The following REEP3 variants were observed in gnomAD, a reference collection of about 807,000 sequenced individuals.
The protein encoded by REEP3 is receptor expression-enhancing protein 3.
A neutral mutation model predicts 41.3 loss-of-function variants in REEP3; 20 were observed. The ratio of observed to expected loss-of-function variants is 0.48; its 90% CI spans 0.34 to 0.70. The LOEUF (loss-of-function observed/expected upper bound fraction) is 0.70, where lower values mean the gene tolerates loss of function less well. REEP3 is among the 30% of genes least tolerant of loss of function. The probability of loss-of-function intolerance (pLI) is 0.01; values close to 1 mark genes in which losing one functional copy is unlikely to be tolerated. For missense variants in REEP3, 271 were observed against 308.8 expected (o/e 0.88, Z 0.92); for synonymous variants, 104 against 101.8 (o/e 1.02, Z -0.13).
Position 63,624,008 on chromosome 10 carries a change from C to G in REEP3, c.*3139C>G, listed in dbSNP as rs1376949963. The G allele has an allele frequency of 6.6e-6, 1 of 151,902 alleles. No homozygotes were observed. Among genetic ancestry groups the G allele is most frequent in the Non-Finnish European group, 1.5e-5 (1 of 68,064 alleles). 9.4% of individuals were successfully genotyped at this position (151,902 alleles called of 1,614,324 possible). ...TTTTCCTTTTTTAGAATAACACAGT[C>G]TGTGCTTTCCAAAAATGCTTGAACT... On this transcript the variant is annotated 3_prime_UTR_variant, in exon 8 of 8. Coordinates refer to ENST00000373758, the MANE Select transcript of REEP3 (RefSeq NM_001001330.3).
intron 1 of REEP3, among the ~76,000 whole-genome samples, chr10:63,529,376 G>T (rs1278258023): frequency 6.6e-6 from 1 of 152,206 alleles, no homozygotes; most frequent in African/African-American, 2.4e-5. Flanking sequence ...AGATAGGGAA[G>T]TAGGATTGGA....
chr10:63,557,187 A>G (rs1176109528), intron 1 of REEP3, among the ~76,000 whole-genome samples: 5 of 152,202 alleles, frequency 3.3e-5, no homozygotes, highest in Non-Finnish European at 1.5e-5. Context: ...TACTGCCTAC[A>G]ATAGCCTAGT....
Position 63,521,544 on chromosome 10 carries a change from A to C in REEP3, c.-2A>C. ...GGACGTGGGGCCCAAGCCCCCGTGA[A>C]GATGGTGTCCTGGATGATCTCCAGA... On this transcript the variant is annotated 5_prime_UTR_variant, in exon 1 of 8. Transcript: ENST00000373758. The C allele has an allele frequency of 7.0e-7, 1 of 1,434,494 alleles. No individual in the cohort carries two copies. The allele number at this position is 1,434,494 out of a possible 1,614,324, so 88.9% of individuals were successfully genotyped here. A position where few individuals can be genotyped will look rare whatever the true frequency, so the allele number is the denominator to read the frequency against.
rs1956380114 is a variant in REEP3, at chr10:63,624,369, ACT to A, written c.*3503_*3504del. ...GTATGCTACAGATTTAATTATATTA[ACT>A]CTTTTTTAAGACATTGACCATGACT... On this transcript the variant is annotated 3_prime_UTR_variant, in exon 8 of 8. Coordinates refer to ENST00000373758, the MANE Select transcript of REEP3 (RefSeq NM_001001330.3). 1 of 151,896 alleles carries A rather than the reference ACT, an allele frequency of 6.6e-6. No homozygotes were observed. The highest frequency in any genetic ancestry group is 2.1e-4 in the South Asian group (1 of 4,814). The allele number at this position is 151,896 out of a possible 1,614,324, so 9.4% of individuals were successfully genotyped here.
In REEP3 at chr10:63,621,944, C is replaced by T. The variant is rs1183784004; in HGVS notation, c.*1075C>T. The T allele has an allele frequency of 6.6e-6, 1 of 152,178 alleles. No individual in the cohort carries two copies. Among genetic ancestry groups the T allele is most frequent in the African/African-American group, 2.4e-5 (1 of 41,436 alleles). 9.4% of individuals were successfully genotyped at this position (152,178 alleles called of 1,614,324 possible). ...ATCTCTTCTGGCTGAGATAATTTGCCAATGCAAAATACAGTTGTCATTAAT... is the reference window on the plus strand; with the variant it reads ...ATCTCTTCTGGCTGAGATAATTTGCTAATGCAAAATACAGTTGTCATTAAT... On this transcript the variant is annotated 3_prime_UTR_variant, in exon 8 of 8. Coordinates refer to ENST00000373758, the MANE Select transcript of REEP3 (RefSeq NM_001001330.3).
chr10:63,528,127 T>C (rs900507017), intron 1 of REEP3, among the ~76,000 whole-genome samples: 5 of 152,220 alleles, frequency 3.3e-5, no homozygotes, highest in African/African-American at 9.6e-5. Flanking sequence ...CCCATTAATT[T>C]ACATCTCCAA....
intron 2 of REEP3, among the ~76,000 whole-genome samples, chr10:63,589,809 TTTG>T (rs1289778886): frequency 3.8e-5 from 5 of 132,018 alleles, no homozygotes; most frequent in Non-Finnish European, 6.5e-5. Flanking sequence ...TTTTTTTTTT[TTTG>T]GAAACGGAGT....
chr10:63,619,377 C>G (rs1431120681), intron 6 of REEP3, among the ~76,000 whole-genome samples: 1 of 151,890 alleles, frequency 6.6e-6, no homozygotes, highest in Non-Finnish European at 1.5e-5. Context: ...TGGTGTGTTA[C>G]CTACTCAAAA....
chr10:63,541,637 G>T (rs1336571315), intron 1 of REEP3, among the ~76,000 whole-genome samples: 1 of 149,912 alleles, frequency 6.7e-6, no homozygotes, highest in Non-Finnish European at 1.5e-5. Context: ...ATCCAGAGAA[G>T]TTTTTTTTTT....
Position 63,624,897 on chromosome 10 carries a change from G to T in REEP3, c.*4028G>T, listed in dbSNP as rs1005516954. The stretch of plus-strand genomic sequence containing the variant: ...GATTTATGTATCCTGGAAATGTTCT[G>T]GGGTTCCATCTGTTTTAAAGTTAGA... On this transcript the variant is annotated 3_prime_UTR_variant, in exon 8 of 8. Transcript: ENST00000373758. 6.6e-6 allele frequency: 1 copy of T among 152,032 alleles called. No individual in the cohort carries two copies. Among genetic ancestry groups the T allele is most frequent in the Non-Finnish European group, 1.5e-5 (1 of 67,946 alleles). The allele number at this position is 152,032 out of a possible 1,614,324, so 9.4% of individuals were successfully genotyped here. A position where few individuals can be genotyped will look rare whatever the true frequency, so the allele number is the denominator to read the frequency against.
chr10:63,550,492 T>C (rs936166067), intron 1 of REEP3, among the ~76,000 whole-genome samples: 2 of 152,208 alleles, frequency 1.3e-5, no homozygotes, highest in African/African-American at 4.8e-5. Flanking sequence ...AGCTCAGTTC[T>C]TAAGGTTAAT....
rs1392897172 is a variant in REEP3 at position 63,624,585 on chromosome 10, T to C, written c.*3716T>C. The C allele has an allele frequency of 1.3e-5, 2 of 152,166 alleles. No homozygotes were observed. Among genetic ancestry groups the C allele is most frequent in the African/African-American group, 4.8e-5 (2 of 41,470 alleles). The allele number at this position is 152,166 out of a possible 1,614,324, so 9.4% of individuals were successfully genotyped here. A position where few individuals can be genotyped will look rare whatever the true frequency, so the allele number is the denominator to read the frequency against. ...TCATTTTATTTGTGGCAATTCGCGT[T>C]TCTTTTTTTATGCCAGAGTACATAT... On this transcript the variant is annotated 3_prime_UTR_variant, in exon 8 of 8. Transcript: ENST00000373758.
At position 63,566,355 on chromosome 10, in the gene REEP3, T is replaced by C. The variant is rs1254181905; in HGVS notation, c.50T>C (p.Leu17Pro). The change falls in exon 2 of 8, where the codon CTT becomes CCT. Residue 17 changes from leucine (L) to proline (P), a missense_variant. Physicochemically the swap from Leu to Pro is moderately conservative, Grantham distance 98. Coordinates refer to ENST00000373758, the MANE Select transcript of REEP3 (RefSeq NM_001001330.3). ...SRAVVLVFGM[L>P]YPAYYSYKAV... The stretch of plus-strand genomic sequence containing the variant: ...ACTTTTAGGCTGGTGTTTGGAATGC[T>C]TTATCCTGCATATTATTCATACAAA... 6.4e-7 allele frequency: 1 copy of C among 1,551,580 alleles called. No homozygotes were observed. The highest frequency in any genetic ancestry group is 8.7e-7 in the Non-Finnish European group (1 of 1,144,032).
At chr10:63,560,699 A>G (rs1227520093) in intron 1 of REEP3, among the ~76,000 whole-genome samples, 2 of 152,222 alleles carry the variant, frequency 1.3e-5, no homozygotes, top group Admixed American at 6.5e-5. Flanking sequence ...ACAATATTCA[A>G]TGTAAGTGAA....
chr10:63,552,338 G>A (rs1007212730), intron 1 of REEP3, among the ~76,000 whole-genome samples: 3 of 152,112 alleles, frequency 2.0e-5, no homozygotes, highest in Non-Finnish European at 4.4e-5. Context: ...ATGAATTCAG[G>A]AGGCGGAGCC....
intron 2 of REEP3, among the ~76,000 whole-genome samples, chr10:63,594,549 C>T (rs936488989): frequency 4.6e-5 from 7 of 152,140 alleles, no homozygotes; most frequent in African/African-American, 1.7e-4. Flanking sequence ...TTAATCTTTG[C>T]TCCTGCTATC....
chr10:63,561,480 T>C (rs1955738730), intron 1 of REEP3, among the ~76,000 whole-genome samples: 2 of 152,140 alleles, frequency 1.3e-5, no homozygotes, highest in Admixed American at 1.3e-4. Context: ...AAGAGGCATA[T>C]TGAGGAAACC....
chr10:63,523,044 G>T (rs1159446056), intron 1 of REEP3, among the ~76,000 whole-genome samples: 1 of 148,672 alleles, frequency 6.7e-6, no homozygotes. Flanking sequence ...AAAGCCTCTG[G>T]ATTTCTTTGA....
intron 6 of REEP3, among the ~76,000 whole-genome samples, chr10:63,614,590 G>C (rs551899710): frequency 4.6e-5 from 7 of 152,206 alleles, no homozygotes; most frequent in Non-Finnish European, 1.0e-4. Context: ...GCAGCTGAAG[G>C]CTCCCAGGCC....
Sources: allele counts gnomAD v4.1 joint callset (sites outside exome capture counted in the v4.1 genomes callset), GRCh38; gene constraint gnomAD v4.1.1; transcripts MANE v1.5; gene names NCBI Gene and HGNC (gene_info 2026-07-23, HGNC 2026-07-21).